Variants in NKAIN2 observed in about 807,000 individuals in gnomAD.
NKAIN2 encodes sodium/potassium transporting ATPase interacting 2, also known as sodium/potassium-transporting ATPase subunit beta-1-interacting protein 2.
Under a neutral mutation model 32.6 loss-of-function variants are expected in NKAIN2, and 14 were observed. The ratio of observed to expected loss-of-function variants is 0.43; its 90% CI spans 0.28 to 0.67. The LOEUF (loss-of-function observed/expected upper bound fraction) is 0.67, where lower values mean the gene tolerates loss of function less well. NKAIN2 is among the 30% of genes least tolerant of loss of function. The probability of loss-of-function intolerance (pLI) is 0.17; values close to 1 mark genes in which losing one functional copy is unlikely to be tolerated. For synonymous variants in NKAIN2, 80 were observed against 87.2 expected (o/e 0.92, Z 0.46); for missense variants, 198 against 258.3 (o/e 0.77, Z 1.60).
intron 3 of NKAIN2, among the ~76,000 whole-genome samples, chr6:124,571,575 G>A (rs1325779574): frequency 6.6e-6 from 1 of 152,114 alleles, no homozygotes; most frequent in East Asian, 1.9e-4. Flanking sequence ...CATGTAAGAA[G>A]TGCCTTTCAT....
At chr6:124,160,994 T>C (rs1192653784) in intron 1 of NKAIN2, among the ~76,000 whole-genome samples, 1 of 152,196 alleles carries the variant, frequency 6.6e-6, no homozygotes. Context: ...GGAGCATTTT[T>C]ATTCAAAGTT....
chr6:124,050,686 T>G (rs533783588), intron 1 of NKAIN2, among the ~76,000 whole-genome samples: 34 of 152,140 alleles, frequency 2.2e-4, no homozygotes, highest in Middle Eastern at 3.4e-3. Context: ...AAAGCTAAAT[T>G]TATTTATTTA....
chr6:124,818,287 G>A, intron 5 of NKAIN2, 100 bp from the exon 6 acceptor site: 1 of 511,568 alleles, frequency 2.0e-6, no homozygotes, highest in Non-Finnish European at 3.6e-6. Context: ...AAGTTTAATA[G>A]ATTATTACTA....
At chr6:123,887,972 G>C (rs1323181337) in intron 1 of NKAIN2, among the ~76,000 whole-genome samples, 1 of 152,032 alleles carries the variant, frequency 6.6e-6, no homozygotes, top group Non-Finnish European at 1.5e-5. Flanking sequence ...TTTGTACAAT[G>C]ATGATGAGAA....
Position 124,355,294 on chromosome 6 carries a change from A to T in NKAIN2, c.220A>T (p.Thr74Ser). The T allele has an allele frequency of 1.2e-6, 2 of 1,610,052 alleles. No homozygotes were observed. The highest frequency in any genetic ancestry group is 1.7e-6 in the Non-Finnish European group (2 of 1,176,388). ...TGCTGTCTGGCTAGTCCTCTGGGTT[A>T]CGTGGAATGTGTTTGTTATCTGCTT... ...GYAVWLVLWV[T>S]WNVFVICFYL... Residue 74 changes from threonine to serine, a missense_variant, in exon 3 of 7, where the codon ACG becomes TCG. Thr to Ser is a moderately conservative substitution (Grantham distance 58). Coordinates refer to ENST00000368417, the MANE Select transcript of NKAIN2 (RefSeq NM_001040214.3).
intron 3 of NKAIN2, among the ~76,000 whole-genome samples, chr6:124,358,828 TA>T (rs1799120485): frequency 6.6e-6 from 1 of 151,612 alleles, no homozygotes; most frequent in Non-Finnish European, 1.5e-5. Context: ...TTTGGTGTTT[TA>T]GACATGAAGT....
intron 1 of NKAIN2, among the ~76,000 whole-genome samples, chr6:124,101,240 G>GA (rs11352683): frequency 6.0e-5 from 9 of 150,198 alleles, no homozygotes; most frequent in Non-Finnish European, 7.4e-5. Context: ...CTGGAGGGCT[G>GA]AAAAAAAAAT....
chr6:124,762,939 G>T (rs1562369679), intron 4 of NKAIN2, among the ~76,000 whole-genome samples: 1 of 152,188 alleles, frequency 6.6e-6, no homozygotes, highest in Non-Finnish European at 1.5e-5. Context: ...GTCAGTGACA[G>T]GAAAGAATTA....
At chr6:124,008,951 A>G (rs1047480703) in intron 1 of NKAIN2, among the ~76,000 whole-genome samples, 2 of 152,196 alleles carry the variant, frequency 1.3e-5, no homozygotes, top group Non-Finnish European at 2.9e-5. Flanking sequence ...TATTGGAGAA[A>G]AGGTGATAAA....
chr6:124,356,181 G>C, intron 3 of NKAIN2, among the ~76,000 whole-genome samples: 1 of 152,054 alleles, frequency 6.6e-6, no homozygotes, highest in Non-Finnish European at 1.5e-5. Flanking sequence ...AAAACCCAGA[G>C]ATACTCACGT....
chr6:123,962,893 A>G (rs569309920), intron 1 of NKAIN2, among the ~76,000 whole-genome samples: 1 of 152,272 alleles, frequency 6.6e-6, no homozygotes, highest in African/African-American at 2.4e-5. Flanking sequence ...AACTGTCTGC[A>G]GTTCCTCAAG....
chr6:124,733,375 A>C (rs577411236), intron 4 of NKAIN2, among the ~76,000 whole-genome samples: 1 of 152,022 alleles, frequency 6.6e-6, no homozygotes, highest in African/African-American at 2.4e-5. Context: ...GTGACAAGAG[A>C]GTCTAACTGT....
intron 3 of NKAIN2, among the ~76,000 whole-genome samples, chr6:124,568,481 T>C (rs1358409284): frequency 6.6e-6 from 1 of 152,162 alleles, no homozygotes; most frequent in Non-Finnish European, 1.5e-5. Context: ...TTATTTTCAT[T>C]TATAGATGAA....
chr6:124,780,035 T>C (rs1779187265), intron 4 of NKAIN2, among the ~76,000 whole-genome samples: 1 of 152,200 alleles, frequency 6.6e-6, no homozygotes, highest in South Asian at 2.1e-4. Context: ...ATGCAGTAGC[T>C]TGGATTAATC....
At chr6:124,003,155 C>T (rs2114716881) in intron 1 of NKAIN2, among the ~76,000 whole-genome samples, 1 of 152,228 alleles carries the variant, frequency 6.6e-6, no homozygotes, top group South Asian at 2.1e-4. Context: ...AAAAAGAACA[C>T]AACATTCATT....
intron 1 of NKAIN2, among the ~76,000 whole-genome samples, chr6:124,003,305 G>C (rs535971231): frequency 2.6e-5 from 4 of 152,136 alleles, no homozygotes; most frequent in Admixed American, 2.6e-4. Flanking sequence ...AAGCATTCCT[G>C]GTAATGTGGG....
chr6:124,791,282 T>G, intron 4 of NKAIN2, 57 bp from the exon 5 acceptor site: 166 of 1,312,618 alleles, frequency 1.3e-4, no homozygotes, highest in Non-Finnish European at 1.7e-4. Context: ...CACTCTCCAG[T>G]GAGGTCTGGT....
intron 4 of NKAIN2, among the ~76,000 whole-genome samples, chr6:124,736,745 A>G (rs1166036276): frequency 2.0e-5 from 3 of 151,926 alleles, no homozygotes; most frequent in African/African-American, 4.8e-5. Context: ...CTGCTCAGAA[A>G]AAAGGATTCC....
At chr6:124,300,765 G>A (rs1796260401) in intron 2 of NKAIN2, among the ~76,000 whole-genome samples, 1 of 152,150 alleles carries the variant, frequency 6.6e-6, no homozygotes, top group Non-Finnish European at 1.5e-5. Context: ...GACACCACTG[G>A]CATTTTGCCC....
Sources: gnomAD v4.1 joint callset for allele counts (sites outside exome capture counted in the v4.1 genomes callset) on GRCh38, gnomAD v4.1.1 for gene constraint, MANE v1.5 for transcripts, NCBI Gene and HGNC (gene_info 2026-07-23, HGNC 2026-07-21) for gene names.